SAMD5: variants seen among roughly 807,000 people sequenced by gnomAD.
SAMD5 encodes the protein sterile alpha motif domain containing 5.
Under a neutral mutation model 11.3 loss-of-function variants are expected in SAMD5, and 13 were observed. That is an observed-to-expected ratio of 1.15 (90% CI 0.75 to 1.83). The LOEUF is 1.83. Among genes scored for constraint, SAMD5 ranks in the 40% most tolerant of loss-of-function variants. The probability of loss-of-function intolerance (pLI) is 0.00; values close to 1 mark genes in which losing one functional copy is unlikely to be tolerated. For missense variants in SAMD5, 255 were observed against 239.1 expected, an observed-to-expected ratio of 1.07 and a Z score of -0.44; for synonymous variants, 129 against 111.3, an observed-to-expected ratio of 1.16 and a Z score of -1.00.
At chr6:147,938,440 C>G in the SAMD5 span, among the ~76,000 whole-genome samples, 100 of 152,284 alleles carry the variant, frequency 6.6e-4, no homozygotes, top group Non-Finnish European at 1.2e-3. Context: ...GGTACAAACT[C>G]TACACTCATG....
chr6:147,540,038 A>G (rs1788574832), intron 1 of SAMD5, among the ~76,000 whole-genome samples: 1 of 152,330 alleles, frequency 6.6e-6, no homozygotes, highest in African/African-American at 2.4e-5. Context: ...TAACTTAACC[A>G]TGGACACATA....
the SAMD5 span, among the ~76,000 whole-genome samples, chr6:147,939,827 T>G: frequency 2.9e-3 from 445 of 152,218 alleles, 4 homozygotes; most frequent in African/African-American, 0.01. Flanking sequence ...TTTTTTTAAT[T>G]TTTTAGCCTT....
At chr6:147,579,906 G>C (rs1476020309) in intron 1 of SAMD5, among the ~76,000 whole-genome samples, 1 of 152,170 alleles carries the variant, frequency 6.6e-6, no homozygotes, top group Non-Finnish European at 1.5e-5. Context: ...GCCAGGCGCT[G>C]TTGTAAATGT....
chr6:147,584,440 A>G (rs142420936), intron 1 of SAMD5, among the ~76,000 whole-genome samples: 1 of 152,316 alleles, frequency 6.6e-6, no homozygotes, highest in African/African-American at 2.4e-5. Flanking sequence ...CAAAGACCAC[A>G]GCATCGGAGT....
the SAMD5 span, among the ~76,000 whole-genome samples, chr6:147,777,665 A>G: frequency 4.6e-5 from 7 of 152,196 alleles, no homozygotes; most frequent in Non-Finnish European, 8.8e-5. Context: ...GTAACCTTTA[A>G]GTAATAATTT....
the SAMD5 span, among the ~76,000 whole-genome samples, chr6:147,949,809 T>G: frequency 6.6e-6 from 1 of 152,250 alleles, no homozygotes; most frequent in South Asian, 2.1e-4. Context: ...ATACTATACT[T>G]CCTCAACATT....
chr6:147,761,838 G>A, the SAMD5 span, among the ~76,000 whole-genome samples: 8 of 151,938 alleles, frequency 5.3e-5, no homozygotes, highest in Non-Finnish European at 7.4e-5. Context: ...TCAGCCTCCC[G>A]TGTAGCTGGG....
chr6:147,616,870 G>C (rs1277207786), intron 1 of SAMD5, among the ~76,000 whole-genome samples: 1 of 152,136 alleles, frequency 6.6e-6, no homozygotes, highest in Non-Finnish European at 1.5e-5. Flanking sequence ...CACTAGAAGA[G>C]CATGGAGAAA....
intron 1 of SAMD5, among the ~76,000 whole-genome samples, chr6:147,517,878 T>C (rs976972494): frequency 2.6e-5 from 4 of 152,096 alleles, no homozygotes; most frequent in African/African-American, 9.7e-5. Context: ...GAGGTGTTTT[T>C]TTTTTTTGGT....
intron 1 of SAMD5, among the ~76,000 whole-genome samples, chr6:147,699,472 G>T (rs1791222666): frequency 1.3e-5 from 2 of 152,098 alleles, no homozygotes; most frequent in Non-Finnish European, 2.9e-5. Context: ...AATAAAATGA[G>T]TTTTTTCCCC....
chr6:147,856,824 G>T, the SAMD5 span, among the ~76,000 whole-genome samples: 11 of 61,066 alleles, frequency 1.8e-4, no homozygotes, highest in African/African-American at 4.8e-4. Context: ...GGGGGCGCGG[G>T]GGGGGGGGGA....
intron 1 of SAMD5, among the ~76,000 whole-genome samples, chr6:147,696,928 A>C (rs1791184110): frequency 6.6e-6 from 1 of 152,196 alleles, no homozygotes; most frequent in Non-Finnish European, 1.5e-5. Context: ...AGTCTCTTAA[A>C]GCAAATAGCC....
At chr6:147,797,032 C>G in the SAMD5 span, among the ~76,000 whole-genome samples, 2 of 131,980 alleles carry the variant, frequency 1.5e-5, no homozygotes, top group Admixed American at 1.5e-4. Flanking sequence ...ATTTGACTTC[C>G]TCTTTTCCTA....
chr6:147,868,534 A>G, the SAMD5 span, among the ~76,000 whole-genome samples: 1 of 152,184 alleles, frequency 6.6e-6, no homozygotes, highest in Non-Finnish European at 1.5e-5. Flanking sequence ...ATGAAATGTT[A>G]AAAATAGAGT....
the SAMD5 span, among the ~76,000 whole-genome samples, chr6:147,941,408 T>TGGAA: frequency 6.6e-6 from 1 of 152,254 alleles, no homozygotes; most frequent in Admixed American, 6.5e-5. Flanking sequence ...TGTATGAAGC[T>TGGAA]GGAACCCTCC....
intron 1 of SAMD5, among the ~76,000 whole-genome samples, chr6:147,732,157 C>A (rs1791725218): frequency 6.6e-6 from 1 of 152,162 alleles, no homozygotes; most frequent in Admixed American, 6.5e-5. Flanking sequence ...GACCATCAGC[C>A]AGCCAGCATC....
chr6:147,746,164 C>T, the SAMD5 span, among the ~76,000 whole-genome samples: 4 of 152,136 alleles, frequency 2.6e-5, no homozygotes, highest in African/African-American at 4.8e-5. Flanking sequence ...AGGGATCAGA[C>T]GAAGAAGCTC....
In SAMD5 at chr6:147,565,976, G is replaced by A. The variant is rs1789034067; in HGVS notation, c.*1520G>A. On this transcript the variant is annotated 3_prime_UTR_variant, in exon 2 of 2. Coordinates refer to ENST00000367474, the MANE Select transcript of SAMD5 (RefSeq NM_001030060.3). ...CCCATCGGCACCGTCATGGTAAGAA[G>A]AATAAGAAACTCTCAAAGGAAAAGA... is the stretch of plus-strand genomic sequence containing the variant. 1.0e-6 allele frequency: 1 copy of A among 985,140 alleles called. No individual in the cohort carries two copies. The highest frequency in any genetic ancestry group is 1.2e-6 in the Non-Finnish European group (1 of 829,830). 61.0% of individuals were successfully genotyped at this position (985,140 alleles called of 1,614,324 possible).
At chr6:147,761,546 A>G in the SAMD5 span, among the ~76,000 whole-genome samples, 1 of 152,136 alleles carries the variant, frequency 6.6e-6, no homozygotes, top group Non-Finnish European at 1.5e-5. Flanking sequence ...TGTAATTATT[A>G]TATAATAAAG....
Sources: allele counts gnomAD v4.1 joint callset (sites outside exome capture counted in the v4.1 genomes callset), GRCh38; gene constraint gnomAD v4.1.1; transcripts MANE v1.5; gene names NCBI Gene and HGNC (gene_info 2026-07-23, HGNC 2026-07-21).